Variants in HS1BP3 observed in about 807,000 individuals in gnomAD.
HS1BP3 encodes HCLS1-binding protein 3.
Under a neutral mutation model 33.5 loss-of-function variants are expected in HS1BP3, and 32 were observed. The observed-to-expected ratio is 0.95, with a 90% CI of 0.72 to 1.28. HS1BP3 has a LOEUF of 1.28. HS1BP3 is among the 50% of genes most tolerant of loss of function. The pLI, the probability that HS1BP3 is intolerant of heterozygous loss-of-function variation, is 0.00. For missense variants in HS1BP3, 486 were observed against 502.3 expected, an observed-to-expected ratio of 0.97 and a Z score of 0.31; for synonymous variants, 187 against 209.2, an observed-to-expected ratio of 0.89 and a Z score of 0.92.
chr2:20,581,820 A>T (rs1021837298), intron 5 of HS1BP3, among the ~76,000 whole-genome samples: 1 of 152,166 alleles, frequency 6.6e-6, no homozygotes, highest in Non-Finnish European at 1.5e-5. Context: ...ACTACCTTGC[A>T]GCTGTATGCT....
At chr2:20,641,240 C>T in intron 2 of HS1BP3, 60 bp from the exon 3 acceptor site, 3 of 1,486,874 alleles carry the variant, frequency 2.0e-6, no homozygotes, top group East Asian at 2.3e-5. Context: ...GCTCCTTTCT[C>T]ACCCCGACCA....
At chr2:20,638,798 CTAAG>C in intron 3 of HS1BP3, 146 bp from the exon 4 acceptor site, 1 of 647,188 alleles carries the variant, frequency 1.5e-6, no homozygotes, top group Non-Finnish European at 2.7e-6. Context: ...CTCCTGGGAC[CTAAG>C]CAGGATGGCG....
exon 3 of HS1BP3, chr2:20,598,254 A>G: frequency 2.3e-6 from 1 of 429,412 alleles, no homozygotes; most frequent in Non-Finnish European, 4.8e-6. Flanking sequence ...GCCTGCAACT[A>G]GATGGTCCCA....
At position 20,602,746 on chromosome 2, in the gene HS1BP3, T is replaced by G. The variant is rs145206202; in HGVS notation, c.179-4481A>C. 2.1e-3 allele frequency among the ~76,000 whole-genome samples: 317 copies of G among 152,284 alleles called. 1 individual carries two copies. The highest frequency in any genetic ancestry group is 7.2e-3 in the African/African-American group (300 of 41,550). ...TAGATAAATTGGAGTTCATCAAAAT[T>G]TTAAAGTTTTGTGCTTCAAAGGCCA... On this transcript the variant is annotated intron_variant, in intron 2 of 3. Transcript: ENST00000415264.
intron 2 of HS1BP3, among the ~76,000 whole-genome samples, chr2:20,601,574 G>T (rs1228053140): frequency 2.0e-5 from 3 of 152,056 alleles, no homozygotes; most frequent in Admixed American, 2.0e-4. Context: ...TCTCGTGGTT[G>T]TAAGTTTCAC....
rs115108428 is a variant in HS1BP3, at chr2:20,645,335, C to T, written c.198+5G>A. 4.4e-3 allele frequency: 7,121 copies of T among 1,612,628 alleles called. 13 individuals are homozygous for T. The highest frequency in any genetic ancestry group is 5.1e-3 in the Non-Finnish European group (6,016 of 1,179,364). ...GAAACATCCTGGCCAGAGCCTCCGG[C>T]TCACCAAGAACTGGACGACATCCTC... is the stretch of plus-strand genomic sequence containing the variant. On this transcript the variant is annotated splice_donor_5th_base_variant and intron_variant, in intron 2 of 6. Coordinates refer to ENST00000304031, the MANE Select transcript of HS1BP3 (RefSeq NM_022460.4).
intron 3 of HS1BP3, among the ~76,000 whole-genome samples, chr2:20,597,661 GA>G (rs778778061): frequency 0.03 from 4,323 of 141,968 alleles, 81 homozygotes; most frequent in African/African-American, 0.043. Flanking sequence ...TTTTGCTTGA[GA>G]AAAAAAAAAA....
At chr2:20,610,824 G>T (rs58590712) in intron 2 of HS1BP3, among the ~76,000 whole-genome samples, 2 of 152,150 alleles carry the variant, frequency 1.3e-5, no homozygotes, top group South Asian at 4.1e-4. Flanking sequence ...GATATAATTC[G>T]CGTATAATCA....
chr2:20,556,798 T>G (rs1369108234), downstream of HS1BP3, among the ~76,000 whole-genome samples: 2 of 152,222 alleles, frequency 1.3e-5, no homozygotes, highest in African/African-American at 4.8e-5. Context: ...TTTGTTCTTT[T>G]TCCTGGCTCC....
chr2:20,555,859 G>A (rs1365091437), downstream of HS1BP3, among the ~76,000 whole-genome samples: 3 of 152,074 alleles, frequency 2.0e-5, no homozygotes, highest in East Asian at 5.8e-4. Context: ...AGGAGAAAAT[G>A]GAATCCCAAT....
At chr2:20,569,846 A>G (rs1693222736) in intron 5 of HS1BP3, among the ~76,000 whole-genome samples, 2 of 152,126 alleles carry the variant, frequency 1.3e-5, no homozygotes, top group Non-Finnish European at 2.9e-5. Flanking sequence ...CCTGCTTCCC[A>G]TTTGCCCCAC....
chr2:20,610,982 G>A (rs1414997664), intron 2 of HS1BP3, among the ~76,000 whole-genome samples: 1 of 152,136 alleles, frequency 6.6e-6, no homozygotes, highest in Non-Finnish European at 1.5e-5. Flanking sequence ...CCCAGCCCCT[G>A]GCAACCATGG....
At chr2:20,648,806 T>C (rs1426753494) in intron 1 of HS1BP3, among the ~76,000 whole-genome samples, 1 of 152,160 alleles carries the variant, frequency 6.6e-6, no homozygotes, top group Non-Finnish European at 1.5e-5. Flanking sequence ...AAAACTCACC[T>C]GTCTACACAA....
chr2:20,615,793 C>A (rs1415013090), downstream of HS1BP3, among the ~76,000 whole-genome samples: 2 of 152,362 alleles, frequency 1.3e-5, no homozygotes, highest in East Asian at 3.9e-4. Context: ...CAGAGAGTGG[C>A]TGGACTTTGC....
At chr2:20,559,699 G>A (rs1558313353), downstream of HS1BP3, among the ~76,000 whole-genome samples, 1 of 114,902 alleles carries the variant, frequency 8.7e-6, no homozygotes, top group Non-Finnish European at 1.9e-5. Flanking sequence ...TAGATGGACG[G>A]GTGGGTGGGT....
intron 5 of HS1BP3, among the ~76,000 whole-genome samples, chr2:20,583,688 C>T (rs186469047): frequency 1.6e-3 from 245 of 152,298 alleles, no homozygotes; most frequent in African/African-American, 4.5e-3. Flanking sequence ...GGCTCTCCTC[C>T]GTCCCTGTGA....
At chr2:20,593,312 G>A (rs969487949) in intron 3 of HS1BP3, among the ~76,000 whole-genome samples, 9 of 151,962 alleles carry the variant, frequency 5.9e-5, no homozygotes, top group African/African-American at 1.9e-4. Context: ...ACCATCACAC[G>A]TGCCGGCCTT....
At chr2:20,592,805 A>G (rs896917277) in intron 3 of HS1BP3, 2 of 152,216 alleles carry the variant, frequency 1.3e-5, no homozygotes, top group African/African-American at 4.8e-5. Context: ...CTGTGATTGG[A>G]TTTAAGGCCC....
downstream of HS1BP3, among the ~76,000 whole-genome samples, chr2:20,557,747 G>C (rs763802451): frequency 6.6e-6 from 1 of 152,246 alleles, no homozygotes; most frequent in African/African-American, 2.4e-5. Context: ...ATGCAGAGCT[G>C]CTGAGAAGTC....
Sources: allele counts gnomAD v4.1 joint callset (sites outside exome capture counted in the v4.1 genomes callset), GRCh38; gene constraint gnomAD v4.1.1; transcripts MANE v1.5; gene names NCBI Gene and HGNC (gene_info 2026-07-23, HGNC 2026-07-21).